The following PCDHGA1 variants were observed in gnomAD, a reference collection of about 807,000 sequenced individuals.
The protein encoded by PCDHGA1 is protocadherin gamma subfamily A, 1, also known as protocadherin gamma-A1.
In PCDHGA1, 32 loss-of-function variants were observed where a neutral mutation model predicts 58.0. The ratio of observed to expected loss-of-function variants is 0.55; its 90% confidence interval spans 0.42 to 0.74. The LOEUF is 0.74. Ranked by LOEUF, PCDHGA1 falls within the 30% of genes least tolerant of loss-of-function variation. The pLI is 0.00. For missense variants in PCDHGA1, 1,205 were observed against 1,182.3 expected (o/e 1.02, Z -0.28); for synonymous variants, 498 against 501.1 (o/e 0.99, Z 0.08).
In PCDHGA1 at chr5:141,432,012, A is replaced by G. The variant is rs756906117; in HGVS notation, c.2422-62795A>G. ...TTGGATAGGGAACAGGTTCCTAGCT[A>G]CAACATCACAGTGACCGCCACTGAC... On this transcript the variant is annotated intron_variant, in intron 1 of 3. Transcript: ENST00000517417. The surrounding 1 kb of genome is among the most constrained non-coding windows in gnomAD (Gnocchi z 6.0). The G allele has an allele frequency of 1.1e-5, 18 of 1,614,056 alleles. No homozygotes were observed. The highest frequency in any genetic ancestry group is 1.3e-5 in the Non-Finnish European group (15 of 1,180,008).
chr5:141,433,199 A>G (rs2097574804), intron 1 of PCDHGA1: 1 of 1,579,570 alleles, frequency 6.3e-7, no homozygotes, highest in Non-Finnish European at 8.6e-7. Context: ...TTTATATCAA[A>G]TCTTCTTTCT....
At chr5:141,422,950 G>A (rs1388735971) in intron 1 of PCDHGA1, 2 of 1,614,230 alleles carry the variant, frequency 1.2e-6, no homozygotes, top group South Asian at 1.1e-5. Flanking sequence ...CGGCTCCACT[G>A]GCGTGGAGCT....
rs1385144710 is a variant in PCDHGA1 at position 141,399,080 on chromosome 5, G to C, written c.2421+65975G>C. 1 of 1,613,696 alleles carries C rather than the reference G, an allele frequency of 6.2e-7. No homozygotes were observed. On this transcript the variant is annotated intron_variant, in intron 1 of 3. Transcript: ENST00000517417. ...GAATATTCAATGGTTGTAGAAGGGA[G>C]GGATGGTGGTGGACTGGTTGCACAA...
intron 1 of PCDHGA1, chr5:141,340,752 T>A (rs1455294169): frequency 6.2e-7 from 1 of 1,613,438 alleles, no homozygotes; most frequent in East Asian, 2.2e-5. Flanking sequence ...GTGGTGGCGG[T>A]GGACAGAGAC....
At chr5:141,421,824 A>G in intron 1 of PCDHGA1, 1 of 1,613,768 alleles carries the variant, frequency 6.2e-7, no homozygotes, top group Non-Finnish European at 8.5e-7. Flanking sequence ...TACTGGAGGG[A>G]AGCCTGGACC....
Position 141,405,325 on chromosome 5 carries a change from G to C in PCDHGA1, c.2421+72220G>C, listed in dbSNP as rs17097274. ...AGAGCTGTGAGAAAAATGAGCCTTT[G>C]TGCGTCTCTGTTGATTCCAAGTTTC... On this transcript the variant is annotated intron_variant, in intron 1 of 3. Transcript: ENST00000517417. The C allele has an allele frequency of 9.4e-4, 1,513 of 1,614,170 alleles. 9 individuals are homozygous for C. The African/African-American group carries it at 0.016, about 17-fold the overall frequency.
intron 1 of PCDHGA1, chr5:141,346,530 T>A: frequency 6.4e-7 from 1 of 1,573,352 alleles, no homozygotes; most frequent in Non-Finnish European, 8.6e-7. Context: ...TTAACACATA[T>A]GTATTTGAGA....
At chr5:141,364,912 G>C (rs1763613717) in intron 1 of PCDHGA1, 1 of 1,613,966 alleles carries the variant, frequency 6.2e-7, no homozygotes, top group Non-Finnish European at 8.5e-7. Context: ...ATCCGGAGCT[G>C]GTGTTGGAAC....
At chr5:141,364,543 G>A (rs374825504) in intron 1 of PCDHGA1, 26 of 1,614,010 alleles carry the variant, frequency 1.6e-5, no homozygotes, top group Middle Eastern at 1.6e-4. Context: ...CCAGAGGTAG[G>A]ACGCAGCTTT....
intron 1 of PCDHGA1, among the ~76,000 whole-genome samples, chr5:141,443,577 G>A (rs567410923): frequency 1.3e-5 from 2 of 152,284 alleles, no homozygotes; most frequent in South Asian, 4.1e-4. Context: ...ATGGACTTGA[G>A]CTAAAACAGA....
In PCDHGA1 at chr5:141,476,240, G is replaced by A. The variant is rs762604058; in HGVS notation, c.2422-18567G>A. On this transcript the variant is annotated intron_variant, in intron 1 of 3. Coordinates refer to ENST00000517417, the MANE Select transcript of PCDHGA1 (RefSeq NM_018912.3). This position sits in a 1 kb window ranked among gnomAD's most constrained non-coding sequence, Gnocchi z 7.6. ...TCACTATGAGATCCCGGAGGAAAGAGAGAAGGGTTTCGCTGTGGGCAACGT... is the reference window on the plus strand; with the variant it reads ...TCACTATGAGATCCCGGAGGAAAGAAAGAAGGGTTTCGCTGTGGGCAACGT... The A allele has an allele frequency of 4.3e-6, 7 of 1,613,986 alleles. No individual in the cohort carries two copies. The highest frequency in any genetic ancestry group is 1.7e-6 in the Non-Finnish European group (2 of 1,180,030).
intron 1 of PCDHGA1, chr5:141,374,629 G>T (rs1404855518): frequency 6.2e-7 from 1 of 1,613,096 alleles, no homozygotes; most frequent in Non-Finnish European, 8.5e-7. Flanking sequence ...CAGTGGACGT[G>T]CAAAGCGAAG....
chr5:141,412,219 C>T (rs549742411), intron 1 of PCDHGA1: 1 of 152,334 alleles, frequency 6.6e-6, no homozygotes, highest in African/African-American at 2.4e-5. Context: ...TAAACACTTA[C>T]TTGTTAAAAA....
intron 1 of PCDHGA1, chr5:141,350,974 G>T (rs776132463): frequency 6.8e-6 from 11 of 1,613,978 alleles, no homozygotes; most frequent in African/African-American, 4.0e-5. Flanking sequence ...ATGCTCCCGT[G>T]TTTAGCCAGG....
intron 1 of PCDHGA1, chr5:141,427,985 C>T (rs747784722): frequency 3.1e-6 from 5 of 1,597,522 alleles, no homozygotes; most frequent in African/African-American, 2.7e-5. Context: ...CGCTGGGGCC[C>T]GATGGCTCCG....
intron 1 of PCDHGA1, among the ~76,000 whole-genome samples, chr5:141,436,557 A>G (rs1224841336): frequency 6.6e-6 from 1 of 152,218 alleles, no homozygotes; most frequent in Non-Finnish European, 1.5e-5. Flanking sequence ...GAGCTTCAGC[A>G]AAGTAGGAAT....
At chr5:141,509,968 C>A (rs1450809995) in intron 3 of PCDHGA1, among the ~76,000 whole-genome samples, 1 of 152,166 alleles carries the variant, frequency 6.6e-6, no homozygotes, top group Non-Finnish European at 1.5e-5. Context: ...TGGCCTTGGT[C>A]CTTCTAACAC....
intron 1 of PCDHGA1, chr5:141,351,944 G>A (rs995541250): frequency 6.2e-7 from 1 of 1,613,158 alleles, no homozygotes; most frequent in South Asian, 1.1e-5. Context: ...GCTGTACCCC[G>A]CGCTGGGGCC....
At chr5:141,386,725 TA>T (rs1200567298) in intron 1 of PCDHGA1, among the ~76,000 whole-genome samples, 3 of 152,182 alleles carry the variant, frequency 2.0e-5, no homozygotes, top group African/African-American at 7.2e-5. Context: ...CCAACAATGT[TA>T]CTGAGGGAAG....
Sources: gnomAD v4.1 joint callset for allele counts (sites outside exome capture counted in the v4.1 genomes callset) on GRCh38, gnomAD v4.1.1 for gene constraint, Gnocchi (gnomAD v3.1) non-coding constraint, MANE v1.5 for transcripts, NCBI Gene and HGNC (gene_info 2026-07-23, HGNC 2026-07-21) for gene names.